FAF1: variants seen among roughly 807,000 people sequenced by gnomAD.
FAF1 encodes the protein Fas associated factor 1.
In FAF1, 25 loss-of-function variants were observed where a neutral mutation model predicts 92.5. That is an observed-to-expected ratio of 0.27 (90% CI 0.20 to 0.38). The LOEUF (loss-of-function observed/expected upper bound fraction) is 0.38. Among genes scored for constraint, FAF1 ranks in the 10% least tolerant of loss-of-function variants. The pLI, the probability that FAF1 is intolerant of heterozygous loss-of-function variation, is 1.00. For missense variants in FAF1, 636 were observed against 793.3 expected (o/e 0.80, Z 2.38); for synonymous variants, 234 against 273.2 (o/e 0.86, Z 1.42).
At chr1:50,479,852 A>C (rs995681016) in intron 17 of FAF1, among the ~76,000 whole-genome samples, 3 of 152,194 alleles carry the variant, frequency 2.0e-5, no homozygotes, top group African/African-American at 7.2e-5. Context: ...AAGAGATACG[A>C]GGTAAATCAG....
At chr1:50,674,087 G>T (rs146576083) in intron 7 of FAF1, among the ~76,000 whole-genome samples, 1,976 of 152,014 alleles carry the variant, frequency 0.013, 42 homozygotes, top group African/African-American at 0.044. Flanking sequence ...AGTAGCTGGG[G>T]TTACAGGCGT....
At chr1:50,956,259 T>C (rs985361831) in intron 1 of FAF1, among the ~76,000 whole-genome samples, 4 of 152,206 alleles carry the variant, frequency 2.6e-5, no homozygotes, top group Non-Finnish European at 5.9e-5. Context: ...CCATCTATAA[T>C]ATTCCAAATC....
intron 2 of FAF1, among the ~76,000 whole-genome samples, chr1:50,808,326 A>G (rs987039856): frequency 2.0e-5 from 3 of 152,208 alleles, no homozygotes; most frequent in Admixed American, 2.0e-4. Context: ...TACATAGATC[A>G]CTGATAATAT....
At chr1:50,945,212 C>A (rs1161321036) in intron 1 of FAF1, among the ~76,000 whole-genome samples, 1 of 152,104 alleles carries the variant, frequency 6.6e-6, no homozygotes, top group Non-Finnish European at 1.5e-5. Context: ...GTCCAGAAAG[C>A]CAAAAGTATA....
chr1:50,959,904 G>T lies in FAF1; in HGVS notation c.-93C>A. 1.3e-6 allele frequency: 1 copy of T among 771,302 alleles called. No individual in the cohort carries two copies. The highest frequency in any genetic ancestry group is 1.7e-6 in the Non-Finnish European group (1 of 600,380). 47.8% of individuals were successfully genotyped at this position (771,302 alleles called of 1,614,324 possible). On this transcript the variant is annotated 5_prime_UTR_variant, in exon 1 of 19. Coordinates refer to ENST00000396153, the MANE Select transcript of FAF1 (RefSeq NM_007051.3). ...GACCGTCGCCGCCACCGCCGCCGCC[G>T]CCGCCGGGCGCCGAGGGGCTGGCGG...
At chr1:50,676,745 C>T (rs879846878) in intron 7 of FAF1, among the ~76,000 whole-genome samples, 16 of 152,244 alleles carry the variant, frequency 1.1e-4, no homozygotes, top group Admixed American at 6.5e-4. Context: ...TCGCTTGAAA[C>T]CAGGAAGAGG....
At chr1:50,762,269 A>G (rs1434334106) in intron 4 of FAF1, among the ~76,000 whole-genome samples, 1 of 152,176 alleles carries the variant, frequency 6.6e-6, no homozygotes, top group Non-Finnish European at 1.5e-5. Flanking sequence ...ACTGCCCAAT[A>G]TAATTTATAG....
At chr1:50,577,219 C>A (rs751743799) in intron 12 of FAF1, among the ~76,000 whole-genome samples, 2 of 152,164 alleles carry the variant, frequency 1.3e-5, no homozygotes, top group African/African-American at 4.8e-5. Flanking sequence ...GTCAGAGGTA[C>A]GTCCTCTAGA....
chr1:50,811,051 T>C (rs1643903039), intron 2 of FAF1, among the ~76,000 whole-genome samples: 1 of 151,808 alleles, frequency 6.6e-6, no homozygotes, highest in South Asian at 2.1e-4. Flanking sequence ...TCAAAAAACA[T>C]GGACCAGGCA....
intron 7 of FAF1, among the ~76,000 whole-genome samples, chr1:50,667,208 T>C (rs1655679036): frequency 6.6e-6 from 1 of 152,190 alleles, no homozygotes; most frequent in Non-Finnish European, 1.5e-5. Context: ...ATAAAAATAG[T>C]TAAACTTTAT....
At chr1:50,649,932 T>C (rs1654781443) in intron 8 of FAF1, among the ~76,000 whole-genome samples, 1 of 151,290 alleles carries the variant, frequency 6.6e-6, no homozygotes, top group South Asian at 2.1e-4. Context: ...GCCATTGCAT[T>C]CTAGCCTGGG....
chr1:50,798,217 T>C (rs1173372848), intron 3 of FAF1, among the ~76,000 whole-genome samples: 1 of 152,248 alleles, frequency 6.6e-6, no homozygotes, highest in Non-Finnish European at 1.5e-5. Context: ...GGCATTTACA[T>C]ATTCTGAAAG....
intron 13 of FAF1, among the ~76,000 whole-genome samples, chr1:50,544,418 T>C (rs971865327): frequency 6.6e-6 from 1 of 152,196 alleles, no homozygotes; most frequent in Non-Finnish European, 1.5e-5. Flanking sequence ...GCCTTTTTAA[T>C]ACGTCTCCAA....
chr1:50,766,791 C>CAAAAAAAAAA (rs765570305), intron 4 of FAF1, among the ~76,000 whole-genome samples: 3 of 61,922 alleles, frequency 4.8e-5, no homozygotes, highest in Non-Finnish European at 9.0e-5. Flanking sequence ...AGCAAGCAAG[C>CAAAAAAAAAA]AAAAAAAAAA....
rs1040631833 is a variant in FAF1 at position 50,539,710 on chromosome 1, A to G, written c.1287T>C (p.Asn429=). The change falls in exon 14 of 19, where the codon AAT becomes AAC. Residue 429 remains asparagine, a synonymous_variant. Transcript: ENST00000396153. The part of the protein sequence containing the change: ...SNRARFLTMC[N]RHFGSVVAQT... ...GTGCCACAACACTGCCAAAGTGTCTATTGCACATAGTGAGAAATCTAAAAG... is the reference window on the plus strand; with the variant it reads ...GTGCCACAACACTGCCAAAGTGTCTGTTGCACATAGTGAGAAATCTAAAAG... The G allele has an allele frequency of 1.2e-6, 2 of 1,611,768 alleles. No individual in the cohort carries two copies. The highest frequency in any genetic ancestry group is 1.7e-6 in the Non-Finnish European group (2 of 1,178,554).
At chr1:50,882,828 A>C (rs1644624834) in intron 1 of FAF1, among the ~76,000 whole-genome samples, 1 of 151,742 alleles carries the variant, frequency 6.6e-6, no homozygotes, top group African/African-American at 2.4e-5. Context: ...TCTACTAAAA[A>C]TACAAAAATT....
intron 4 of FAF1, chr1:50,780,800 G>A (rs963883015): frequency 6.6e-5 from 26 of 391,078 alleles, no homozygotes; most frequent in Admixed American, 4.3e-4. Context: ...ATGGACTTAC[G>A]GAGTGAGCAG....
chr1:50,458,529 G>C (rs558357052), intron 18 of FAF1, among the ~76,000 whole-genome samples: 2 of 152,108 alleles, frequency 1.3e-5, no homozygotes, highest in Non-Finnish European at 1.5e-5. Flanking sequence ...GTTAGAAAGC[G>C]GTAAGGGCAA....
At chr1:50,477,536 G>C (rs1646653506) in intron 17 of FAF1, among the ~76,000 whole-genome samples, 2 of 152,096 alleles carry the variant, frequency 1.3e-5, no homozygotes, top group Non-Finnish European at 2.9e-5. Context: ...AGCATGAGTA[G>C]CAGTTTACCT....
Sources: gnomAD v4.1 joint callset for allele counts (sites outside exome capture counted in the v4.1 genomes callset) on GRCh38, gnomAD v4.1.1 for gene constraint, MANE v1.5 for transcripts, NCBI Gene and HGNC (gene_info 2026-07-23, HGNC 2026-07-21) for gene names.